Variants in SCN3A observed in about 807,000 individuals in gnomAD.
SCN3A encodes sodium channel protein type 3 subunit alpha.
A neutral mutation model predicts 187.6 loss-of-function variants in SCN3A; 60 were observed. The ratio of observed to expected loss-of-function variants is 0.32; its 90% CI spans 0.26 to 0.40. The LOEUF (loss-of-function observed/expected upper bound fraction) is 0.40, where lower values mean the gene tolerates loss of function less well. Ranked by LOEUF, SCN3A falls within the 10% of genes least tolerant of loss-of-function variation. SCN3A has a pLI of 1.00. For missense variants in SCN3A, 1,601 were observed against 2,428.2 expected, an observed-to-expected ratio of 0.66 and a Z score of 7.16; for synonymous variants, 788 against 829.2, an observed-to-expected ratio of 0.95 and a Z score of 0.85.
At chr2:165,141,106 T>G in intron 12 of SCN3A, 108 bp from the exon 13 acceptor site, 1 of 707,282 alleles carries the variant, frequency 1.4e-6, no homozygotes, top group Non-Finnish European at 2.3e-6. Context: ...GTTAGTATAC[T>G]CTTGCTCTTA....
chr2:165,173,708 T>A (rs1259894793), intron 3 of SCN3A, among the ~76,000 whole-genome samples: 1 of 152,164 alleles, frequency 6.6e-6, no homozygotes, highest in Non-Finnish European at 1.5e-5. Context: ...TTAACACAGC[T>A]TCATAACATA....
rs542480092 is a variant in SCN3A at position 165,115,347 on chromosome 2, A to G, written c.3514+108T>C. ...CTCCCAAAATTTTGGGGTTACAGGC[A>G]TAAGCCACCACACCTCGTTTCATAA... On this transcript the variant is annotated intron_variant, in intron 19 of 27. Transcript: ENST00000283254. 5.4e-6 allele frequency: 8 copies of G among 1,479,152 alleles called. No individual in the cohort carries two copies. In the East Asian group the frequency reaches 6.9e-5, roughly 13 times the overall value. The allele number at this position is 1,479,152 out of a possible 1,614,324, so 91.6% of individuals were successfully genotyped here.
chr2:165,176,490 T>C, intron 2 of SCN3A, 46 bp from the exon 3 acceptor site: 1 of 1,474,508 alleles, frequency 6.8e-7, no homozygotes, highest in Non-Finnish European at 9.4e-7. Context: ...AGCAAGCGAT[T>C]GGGCATAAGA....
intron 12 of SCN3A, among the ~76,000 whole-genome samples, chr2:165,143,723 C>G (rs1688154182): frequency 1.3e-5 from 2 of 152,140 alleles, no homozygotes; most frequent in Admixed American, 1.3e-4. Context: ...TCCCAGGTAT[C>G]TTTTTCATCT....
At chr2:165,139,452 G>T (rs1422715022) in intron 14 of SCN3A, 24 bp downstream of exon 14, 1 of 1,613,532 alleles carries the variant, frequency 6.2e-7, no homozygotes, top group South Asian at 1.1e-5. Flanking sequence ...CAGAAAGTTG[G>T]CTGTTCCATG....
chr2:165,090,187 T>G lies in SCN3A; in HGVS notation c.5966A>C (p.Glu1989Ala). The G allele has an allele frequency of 1.9e-6, 3 of 1,598,388 alleles. No homozygotes were observed. Among genetic ancestry groups the G allele is most frequent in the Non-Finnish European group, 2.6e-6 (3 of 1,169,436 alleles). The change falls in exon 28 of 28, where the codon GAA becomes GCA. Residue 1989 changes from glutamate (E) to alanine (A), a missense_variant. Coordinates refer to ENST00000283254, the MANE Select transcript of SCN3A (RefSeq NM_006922.4). This position sits in a 1 kb window ranked among gnomAD's most constrained non-coding sequence, Gnocchi z 4.0. ...TTCTCTGACCTCTTTTCCTTTGCTT[T>G]CTTTTTCTGGTTTGTCTTTCTCAAA... ...EKFEKDKPEK[E>A]SKGKEVRENQ...
At chr2:165,191,347 T>C (rs1375708543) in intron 1 of SCN3A, among the ~76,000 whole-genome samples, 3 of 152,078 alleles carry the variant, frequency 2.0e-5, no homozygotes, top group African/African-American at 7.2e-5. Flanking sequence ...TCGAATCATA[T>C]CATTCCTCTG....
chr2:165,141,134 T>G, intron 12 of SCN3A, 136 bp from the exon 13 acceptor site: 1 of 621,340 alleles, frequency 1.6e-6, no homozygotes, highest in Non-Finnish European at 2.8e-6. Flanking sequence ...ATAATCAAAT[T>G]TATAGAGGAC....
intron 1 of SCN3A, among the ~76,000 whole-genome samples, chr2:165,198,073 A>G (rs1692076821): frequency 6.6e-6 from 1 of 152,014 alleles, no homozygotes; most frequent in African/African-American, 2.4e-5. Context: ...AAACTTTAAA[A>G]ACAAATTTCA....
Position 165,090,428 on chromosome 2 carries a change from G to T in SCN3A, c.5725C>A (p.Arg1909Ser). Reference sequence around the variant, plus strand: ...TTTAAAAGATAACATCTGAAATTACGCTGAATGATAGCGGCAGACACCTCC... The same window carrying T: ...TTTAAAAGATAACATCTGAAATTACTCTGAATGATAGCGGCAGACACCTCC... ...QEEVSAAIIQ[R>S]NFRCYLLKQR... Residue 1909 changes from arginine to serine, a missense_variant, in exon 28 of 28, where the codon CGT becomes AGT. Coordinates refer to ENST00000283254, the MANE Select transcript of SCN3A (RefSeq NM_006922.4). This position sits in a 1 kb window ranked among gnomAD's most constrained non-coding sequence, Gnocchi z 4.0. 1 of 1,613,150 alleles carries T rather than the reference G, an allele frequency of 6.2e-7. No individual in the cohort carries two copies. Among genetic ancestry groups the T allele is most frequent in the East Asian group, 2.2e-5 (1 of 44,866 alleles).
chr2:165,180,989 TTAAC>T (rs1423136694), intron 2 of SCN3A, among the ~76,000 whole-genome samples: 5 of 152,168 alleles, frequency 3.3e-5, no homozygotes, highest in Non-Finnish European at 7.4e-5. Context: ...AAAATTCTTA[TTAAC>T]TAATAATAAG....
chr2:165,150,439 A>G (rs561784281), intron 11 of SCN3A, among the ~76,000 whole-genome samples: 1 of 152,316 alleles, frequency 6.6e-6, no homozygotes, highest in South Asian at 2.1e-4. Flanking sequence ...TTTACTAGTC[A>G]TCATTACTTG....
At chr2:165,160,633 T>A (rs193146985) in intron 9 of SCN3A, among the ~76,000 whole-genome samples, 186 of 152,198 alleles carry the variant, frequency 1.2e-3, no homozygotes, top group Non-Finnish European at 1.4e-3. Flanking sequence ...GCTTTTTTTT[T>A]AAATTTATTA....
At chr2:165,163,890 A>C (rs1348894782) in intron 6 of SCN3A, 181 bp from the exon 7 acceptor site, 6 of 1,612,892 alleles carry the variant, frequency 3.7e-6, no homozygotes, top group Non-Finnish European at 5.1e-6. Flanking sequence ...ATTCTGTTAC[A>C]TACCTGCAGA....
intron 3 of SCN3A, among the ~76,000 whole-genome samples, chr2:165,174,738 A>T (rs1690341623): frequency 6.6e-6 from 1 of 152,180 alleles, no homozygotes; most frequent in Non-Finnish European, 1.5e-5. Context: ...AATCATCATA[A>T]CTACATTTCA....
At chr2:165,119,063 A>G (rs1686520356) in intron 18 of SCN3A, among the ~76,000 whole-genome samples, 1 of 152,044 alleles carries the variant, frequency 6.6e-6, no homozygotes, top group Non-Finnish European at 1.5e-5. Context: ...TGCCTGGCCC[A>G]CCTGGATGAT....
intron 1 of SCN3A, among the ~76,000 whole-genome samples, chr2:165,191,183 CT>C (rs555344391): frequency 5.2e-4 from 79 of 151,520 alleles, no homozygotes; most frequent in Middle Eastern, 6.8e-3. Context: ...ATTTGATGCC[CT>C]ATGGTGTAAT....
At chr2:165,160,850 A>G (rs1574261742) in intron 9 of SCN3A, among the ~76,000 whole-genome samples, 1 of 152,252 alleles carries the variant, frequency 6.6e-6, no homozygotes, top group Admixed American at 6.5e-5. Flanking sequence ...CATGTTGGCC[A>G]GGCTGGTCTA....
intron 25 of SCN3A, 51 bp downstream of exon 25, chr2:165,095,460 T>G (rs1243466771): frequency 1.3e-6 from 2 of 1,569,420 alleles, no homozygotes; most frequent in East Asian, 2.3e-5. Flanking sequence ...TTGGCTGTAT[T>G]AACAGACAGA....
Sources: gnomAD v4.1 joint callset for allele counts (sites outside exome capture counted in the v4.1 genomes callset) on GRCh38, gnomAD v4.1.1 for gene constraint, Gnocchi (gnomAD v3.1) non-coding constraint, MANE v1.5 for transcripts, NCBI Gene and HGNC (gene_info 2026-07-23, HGNC 2026-07-21) for gene names.